Variants in PPRC1 observed in about 807,000 individuals in gnomAD.
PPRC1 encodes PPARG related coactivator 1.
A neutral mutation model predicts 132.5 loss-of-function variants in PPRC1; 23 were observed. That is an observed-to-expected ratio of 0.17 (90% CI 0.12 to 0.25). The LOEUF is 0.25. PPRC1 is among the 10% of genes least tolerant of loss of function. The probability of loss-of-function intolerance (pLI) is 1.00; values close to 1 mark genes in which losing one functional copy is unlikely to be tolerated. For synonymous variants in PPRC1, 872 were observed against 833.5 expected (o/e 1.05, Z -0.80); for missense variants, 2,006 against 2,089.1 (o/e 0.96, Z 0.78).
At chr10:102,131,549 G>A (rs186816653), upstream of PPRC1, among the ~76,000 whole-genome samples, 1 of 152,264 alleles carries the variant, frequency 6.6e-6, no homozygotes, top group Admixed American at 6.5e-5. Flanking sequence ...TGAATTTCAT[G>A]GAAACTATTC....
At position 102,148,800 on chromosome 10, in the gene PPRC1, T is replaced by C. The variant is rs2069383847; in HGVS notation, c.4618-17T>C. On this transcript the variant is annotated splice_polypyrimidine_tract_variant and intron_variant, in intron 11 of 13. Coordinates refer to ENST00000278070, the MANE Select transcript of PPRC1 (RefSeq NM_015062.5). The surrounding 1 kb of genome is among the most constrained non-coding windows in gnomAD (Gnocchi z 4.2). ...CTGGCTAATGGTGTGTTGATTTTTTTTCATTTCCAAACATAGGAAGAAAGA... is the reference window on the plus strand; with the variant it reads ...CTGGCTAATGGTGTGTTGATTTTTTCTCATTTCCAAACATAGGAAGAAAGA... 1.2e-6 allele frequency: 2 copies of C among 1,614,058 alleles called. No individual in the cohort carries two copies. The highest frequency in any genetic ancestry group is 1.7e-6 in the Non-Finnish European group (2 of 1,180,036).
the PPRC1 span, among the ~76,000 whole-genome samples, chr10:102,121,254 C>A: frequency 1.3e-5 from 2 of 152,098 alleles, no homozygotes; most frequent in Non-Finnish European, 2.9e-5. Context: ...TCCCTTCCCC[C>A]CTTTCTCCAG....
chr10:102,128,216 T>G (rs2133560800), upstream of PPRC1, among the ~76,000 whole-genome samples: 1 of 152,068 alleles, frequency 6.6e-6, no homozygotes, highest in East Asian at 1.9e-4. Flanking sequence ...CTCAGCTCAC[T>G]GCAACCTCCG....
At chr10:102,144,899 G>A in intron 7 of PPRC1, 121 bp from the exon 8 acceptor site, 2 of 773,684 alleles carry the variant, frequency 2.6e-6, no homozygotes, top group Non-Finnish European at 4.3e-6. Flanking sequence ...AGATGATGGA[G>A]GCAGTTTGTG....
At position 102,133,433 on chromosome 10, in the gene PPRC1, G is replaced by C. The variant is rs941875454; in HGVS notation, c.153+212G>C. On this transcript the variant is annotated intron_variant, in intron 1 of 13. Transcript: ENST00000278070. The stretch of plus-strand genomic sequence containing the variant: ...GGCCATTCCTGGGGGACGCCGGAGG[G>C]GGAGAGCGGGGTGTCGGAAACATAA... 2.0e-5 allele frequency among the ~76,000 whole-genome samples: 3 copies of C among 152,282 alleles called. No individual in the cohort carries two copies. The East Asian group carries it at 5.8e-4, about 29-fold the overall frequency.
chr10:102,120,192 C>G, the PPRC1 span: 1 of 1,088,780 alleles, frequency 9.2e-7, no homozygotes, highest in Non-Finnish European at 1.1e-6. Context: ...GAGCCGCCGC[C>G]GCCGCCCGCG....
chr10:102,129,383 A>AGT (rs750338768), upstream of PPRC1, among the ~76,000 whole-genome samples: 5 of 152,190 alleles, frequency 3.3e-5, no homozygotes, highest in Non-Finnish European at 7.4e-5. Context: ...CTTAAGGACT[A>AGT]GTAGTCACAA....
the PPRC1 span, among the ~76,000 whole-genome samples, chr10:102,122,742 C>T: frequency 6.6e-6 from 1 of 152,096 alleles, no homozygotes; most frequent in Non-Finnish European, 1.5e-5. Flanking sequence ...TCTTTGCCTC[C>T]TGTGAATCTG....
intron 1 of PPRC1, among the ~76,000 whole-genome samples, chr10:102,134,601 C>T (rs556059462): frequency 6.6e-6 from 1 of 152,296 alleles, no homozygotes; most frequent in East Asian, 1.9e-4. Flanking sequence ...CCAATCCAGG[C>T]CCTTGCCCAG....
At chr10:102,124,786 G>T in the PPRC1 span, among the ~76,000 whole-genome samples, 1 of 151,854 alleles carries the variant, frequency 6.6e-6, no homozygotes, top group African/African-American at 2.4e-5. Flanking sequence ...AGGACTATAG[G>T]TACACACCAC....
chr10:102,135,376 TG>T (rs2068685613), intron 1 of PPRC1, among the ~76,000 whole-genome samples: 1 of 152,134 alleles, frequency 6.6e-6, no homozygotes, highest in African/African-American at 2.4e-5. Flanking sequence ...ATATATATTT[TG>T]TTGTTTTGTT....
chr10:102,136,228 G>T (rs2068714915), intron 1 of PPRC1, among the ~76,000 whole-genome samples: 1 of 152,110 alleles, frequency 6.6e-6, no homozygotes, highest in Admixed American at 6.6e-5. Flanking sequence ...TATTCTCTGG[G>T]CCTGGCCTCC....
In PPRC1 at chr10:102,146,738, C is replaced by T. The variant is rs2069262180; in HGVS notation, c.3746C>T (p.Ala1249Val). Residue 1249 changes from alanine (A) to valine (V), a missense_variant, in exon 9 of 14, where the codon GCC (alanine) becomes GTC (valine). Ala to Val is a moderately conservative substitution (Grantham distance 64, BLOSUM62 0). This residue lies in a region of PPRC1 where 1,914 missense variants were observed against 1,917.2 expected (regional missense o/e 1.00). Transcript: ENST00000278070. ...WKPLAAVSLL[A>V]KAKSPKSTAQ... The stretch of plus-strand genomic sequence containing the variant: ...CCCCTGGCTGCTGTCTCACTGCTGG[C>T]CAAAGCCAAATCTCCTAAGTCCACC... 6.2e-7 allele frequency: 1 copy of T among 1,614,018 alleles called. No individual in the cohort carries two copies.
Position 102,147,140 on chromosome 10 carries a change from G to A in PPRC1, c.4148G>A (p.Cys1383Tyr), listed in dbSNP as rs1407743026. The change falls in exon 9 of 14, where the codon TGC becomes TAC. Residue 1383 changes from cysteine (C) to tyrosine (Y), a missense_variant. Cys to Tyr is a radical substitution (Grantham distance 194). Around this residue, in one of 2 missense-constraint regions of PPRC1, gnomAD observed 1,914 missense variants for 1,917.2 expected, o/e 1.00. Coordinates refer to ENST00000278070, the MANE Select transcript of PPRC1 (RefSeq NM_015062.5). ...TTGCTGTCCCCTGAGGCCTCACCCT[G>A]CCGGAATGACATGAACACTAGGACT... ...SSLLSPEASP[C>Y]RNDMNTRTPP... The A allele has an allele frequency of 1.2e-6, 2 of 1,614,050 alleles. No homozygotes were observed. Among genetic ancestry groups the A allele is most frequent in the Admixed American group, 1.7e-5 (1 of 60,004 alleles).
At chr10:102,130,737 C>T (rs935309898), upstream of PPRC1, among the ~76,000 whole-genome samples, 6 of 150,904 alleles carry the variant, frequency 4.0e-5, no homozygotes, top group Non-Finnish European at 8.9e-5. Context: ...CTCCATCTCA[C>T]ACACAAAAAA....
chr10:102,142,302 TA>T (rs2069020335), intron 5 of PPRC1, among the ~76,000 whole-genome samples: 1 of 70,026 alleles, frequency 1.4e-5, no homozygotes, highest in South Asian at 6.1e-4. Context: ...GAGGTTTCAC[TA>T]TGTTGGCCAG....
chr10:102,123,069 C>T, the PPRC1 span, among the ~76,000 whole-genome samples: 1 of 152,172 alleles, frequency 6.6e-6, no homozygotes, highest in Non-Finnish European at 1.5e-5. Flanking sequence ...TTACCCTTCC[C>T]ACTCCCACTG....
chr10:102,134,206 T>C (rs1008776452), intron 1 of PPRC1, among the ~76,000 whole-genome samples: 1 of 152,100 alleles, frequency 6.6e-6, no homozygotes, highest in Admixed American at 6.5e-5. Flanking sequence ...CACTTTTTCC[T>C]CCAGCATCTC....
upstream of PPRC1, among the ~76,000 whole-genome samples, chr10:102,129,839 G>A (rs1448724912): frequency 2.6e-5 from 4 of 151,694 alleles, no homozygotes; most frequent in African/African-American, 7.3e-5. Flanking sequence ...TCCTGACCTC[G>A]GTGATCCGCC....
Sources: gnomAD v4.1 joint callset for allele counts (sites outside exome capture counted in the v4.1 genomes callset) on GRCh38, gnomAD v4.1.1 for gene constraint, gnomAD v4.1.1 regional missense constraint, Gnocchi (gnomAD v3.1) non-coding constraint, MANE v1.5 for transcripts, NCBI Gene and HGNC (gene_info 2026-07-23, HGNC 2026-07-21) for gene names.